ATP13A4: variants seen among roughly 807,000 people sequenced by gnomAD.
The protein encoded by ATP13A4 is ATPase 13A4.
Under a neutral mutation model 142.5 loss-of-function variants are expected in ATP13A4, and 114 were observed. The observed-to-expected ratio is 0.80, with a 90% CI of 0.69 to 0.93. ATP13A4 has a LOEUF of 0.93. Ranked by LOEUF, ATP13A4 falls within the 40% of genes least tolerant of loss-of-function variation. The pLI, the probability that ATP13A4 is intolerant of heterozygous loss-of-function variation, is 0.00. For missense variants in ATP13A4, 1,392 were observed against 1,454.0 expected, an observed-to-expected ratio of 0.96 and a Z score of 0.69; for synonymous variants, 488 against 514.8, an observed-to-expected ratio of 0.95 and a Z score of 0.70.
chr3:193,409,138 G>A (rs1250652630), intron 28 of ATP13A4, among the ~76,000 whole-genome samples: 1 of 152,110 alleles, frequency 6.6e-6, no homozygotes, highest in African/African-American at 2.4e-5. Context: ...TGAACCAAAT[G>A]AATGTGTTCC....
Position 193,500,010 on chromosome 3 carries a change from AT to A in ATP13A4, c.381+2482del, listed in dbSNP as rs1720451498. Among the ~76,000 whole-genome samples, 4 of 152,302 alleles carry A rather than the reference AT, an allele frequency of 2.6e-5. 1 individual carries two copies. The South Asian group carries it at 8.3e-4, about 32-fold the overall frequency. ...GCTCCATCCTAGACCTTTTGAGCAT[AT>A]TTGAGATTCCCGCAGGAGAAAACAT... is the stretch of plus-strand genomic sequence containing the variant. On this transcript the variant is annotated intron_variant, in intron 3 of 29. Coordinates refer to ENST00000342695, the MANE Select transcript of ATP13A4 (RefSeq NM_032279.4).
At chr3:193,405,850 A>T (rs984745155) in intron 29 of ATP13A4, among the ~76,000 whole-genome samples, 21 of 152,270 alleles carry the variant, frequency 1.4e-4, no homozygotes, top group African/African-American at 4.3e-4. Context: ...GCGGAAATGG[A>T]GGAAACATAC....
rs546116071 is a variant in ATP13A4 at position 193,581,850 on chromosome 3, C to T, written n.148G>A. 5.9e-5 allele frequency: 9 copies of T among 152,148 alleles called. No individual in the cohort carries two copies. In the South Asian group the frequency reaches 1.9e-3, roughly 32 times the overall value. The allele number at this position is 152,148 out of a possible 1,614,324, so 9.4% of individuals were successfully genotyped here. A position where few individuals can be genotyped will look rare whatever the true frequency, so the allele number is the denominator to read the frequency against. On this transcript the variant is annotated non_coding_transcript_exon_variant, in exon 2 of 4. Coordinates refer to the ATP13A4 transcript ENST00000489140. ...TGCCAACATTTCTCCTGCTAACATC[C>T]CCAAGGCAAGGTTACAAAAGCTGGC...
chr3:193,540,543 A>C (rs1577064883), intron 1 of ATP13A4, among the ~76,000 whole-genome samples: 3 of 151,398 alleles, frequency 2.0e-5, no homozygotes, highest in Admixed American at 1.3e-4. Context: ...AAAAAAAAAA[A>C]AAAAAAAAAA....
chr3:193,526,754 A>G (rs2108697069), intron 1 of ATP13A4, among the ~76,000 whole-genome samples: 1 of 152,352 alleles, frequency 6.6e-6, no homozygotes, highest in African/African-American at 2.4e-5. Flanking sequence ...TAATTATTTA[A>G]AAAGTCATAT....
At chr3:193,414,825 C>G in intron 25 of ATP13A4, 75 bp from the exon 26 acceptor site, 1 of 1,427,798 alleles carries the variant, frequency 7.0e-7, no homozygotes. Flanking sequence ...GGCATAAGTT[C>G]ATTGGCCCAT....
chr3:193,429,562 A>G lies in ATP13A4; in HGVS notation c.2842+4283T>C, dbSNP rs1715860385. Among the ~76,000 whole-genome samples the G allele has an allele frequency of 2.1e-5, 3 of 144,368 alleles. No individual in the cohort carries two copies. In the Admixed American group the frequency reaches 2.2e-4, roughly 11 times the overall value. The allele number at this position is 144,368 out of a possible 152,430, so 94.7% of individuals were successfully genotyped here. A position where few individuals can be genotyped will look rare whatever the true frequency, so the allele number is the denominator to read the frequency against. Reference sequence around the variant, plus strand: ...GCCTGACTTCATTTATATGAAATATATTGAATAGGGAAATTCATAGAGACA... The same window carrying G: ...GCCTGACTTCATTTATATGAAATATGTTGAATAGGGAAATTCATAGAGACA... On this transcript the variant is annotated intron_variant, in intron 25 of 29. Coordinates refer to ENST00000342695, the MANE Select transcript of ATP13A4 (RefSeq NM_032279.4).
intron 2 of ATP13A4, among the ~76,000 whole-genome samples, chr3:193,581,453 G>A (rs1466541959): frequency 1.3e-5 from 2 of 152,168 alleles, no homozygotes; most frequent in African/African-American, 4.8e-5. Flanking sequence ...GTTAGAAAGA[G>A]AGGCGCAATA....
At chr3:193,453,795 A>G (rs1266206918) in intron 17 of ATP13A4, among the ~76,000 whole-genome samples, 1 of 152,186 alleles carries the variant, frequency 6.6e-6, no homozygotes, top group Non-Finnish European at 1.5e-5. Context: ...AACGCTGATT[A>G]TATTTCTATG....
At chr3:193,544,579 T>C (rs1723121533) in intron 1 of ATP13A4, among the ~76,000 whole-genome samples, 1 of 152,136 alleles carries the variant, frequency 6.6e-6, no homozygotes, top group Admixed American at 6.5e-5. Flanking sequence ...ACTTCTACAA[T>C]ACAGGAATGC....
At chr3:193,460,247 C>T (rs1300433034) in intron 13 of ATP13A4, among the ~76,000 whole-genome samples, 1 of 152,220 alleles carries the variant, frequency 6.6e-6, no homozygotes, top group African/African-American at 2.4e-5. Flanking sequence ...CTCCCTCTCA[C>T]CTTCCTTATT....
upstream of ATP13A4, among the ~76,000 whole-genome samples, chr3:193,556,253 A>G (rs1723883773): frequency 6.6e-6 from 1 of 152,284 alleles, no homozygotes. Flanking sequence ...TCCACAAAAG[A>G]TAGTTATTTT....
chr3:193,441,333 G>C, intron 20 of ATP13A4, 133 bp downstream of exon 20: 1 of 1,136,232 alleles, frequency 8.8e-7, no homozygotes, highest in Non-Finnish European at 1.3e-6. Flanking sequence ...AAAAATATCT[G>C]TCTCTCTTAA....
At chr3:193,491,876 T>C (rs1719963979) in intron 5 of ATP13A4, among the ~76,000 whole-genome samples, 1 of 152,044 alleles carries the variant, frequency 6.6e-6, no homozygotes, top group African/African-American at 2.4e-5. Context: ...GGAAAGGCTC[T>C]GTGATCTCAA....
At chr3:193,552,852 T>C (rs762043028) in intron 1 of ATP13A4, among the ~76,000 whole-genome samples, 2 of 152,174 alleles carry the variant, frequency 1.3e-5, no homozygotes, top group Non-Finnish European at 2.9e-5. Flanking sequence ...ATCTACCTCA[T>C]AGGGTTGTGA....
chr3:193,464,640 G>A (rs528780962), intron 12 of ATP13A4, among the ~76,000 whole-genome samples: 225 of 152,206 alleles, frequency 1.5e-3, no homozygotes, highest in African/African-American at 5.2e-3. Flanking sequence ...TTAAATTTTC[G>A]TCTTTGTATG....
intron 12 of ATP13A4, among the ~76,000 whole-genome samples, chr3:193,464,049 G>T (rs146749946): frequency 6.6e-6 from 1 of 152,266 alleles, no homozygotes; most frequent in East Asian, 1.9e-4. Context: ...ACTTAAAAAT[G>T]GCTAAAATAG....
At chr3:193,541,072 A>T (rs955489466) in intron 1 of ATP13A4, among the ~76,000 whole-genome samples, 1 of 151,534 alleles carries the variant, frequency 6.6e-6, no homozygotes, top group Non-Finnish European at 1.5e-5. Flanking sequence ...ACACGGTGAA[A>T]CCCCGTCTCT....
chr3:193,425,631 C>T (rs1715619781), intron 25 of ATP13A4, among the ~76,000 whole-genome samples: 1 of 151,678 alleles, frequency 6.6e-6, no homozygotes, highest in South Asian at 2.1e-4. Context: ...TCCACATGAC[C>T]TCACTCATTT....
Sources: gnomAD v4.1 joint callset for allele counts (sites outside exome capture counted in the v4.1 genomes callset) on GRCh38, gnomAD v4.1.1 for gene constraint, MANE v1.5 for transcripts, NCBI Gene and HGNC (gene_info 2026-07-23, HGNC 2026-07-21) for gene names.